The following ZSCAN25 variants were observed in gnomAD, a reference collection of about 807,000 sequenced individuals.
ZSCAN25 encodes the protein zinc finger and SCAN domain containing 25, also known as zinc finger and SCAN domain-containing protein 25.
In ZSCAN25, 27 loss-of-function variants were observed where a neutral mutation model predicts 38.7. The observed-to-expected ratio is 0.70, with a 90% CI of 0.51 to 0.96. The LOEUF is 0.96. Ranked by LOEUF, ZSCAN25 falls within the 40% of genes least tolerant of loss-of-function variation. The probability of loss-of-function intolerance (pLI) is 0.00; values close to 1 mark genes in which losing one functional copy is unlikely to be tolerated. For synonymous variants in ZSCAN25, 273 were observed against 277.7 expected, an observed-to-expected ratio of 0.98 and a Z score of 0.17; for missense variants, 637 against 705.9, an observed-to-expected ratio of 0.90 and a Z score of 1.11.
chr7:99,630,344 C>T lies in ZSCAN25; in HGVS notation c.*324C>T, dbSNP rs1416512610. The T allele has an allele frequency of 9.0e-7, 1 of 1,116,874 alleles. No homozygotes were observed. The highest frequency in any genetic ancestry group is 1.1e-6 in the Non-Finnish European group (1 of 912,760). The allele number at this position is 1,116,874 out of a possible 1,614,324, so 69.2% of individuals were successfully genotyped here. A position where few individuals can be genotyped will look rare whatever the true frequency, so the allele number is the denominator to read the frequency against. On this transcript the variant is annotated 3_prime_UTR_variant, in exon 8 of 8. Coordinates refer to ENST00000394152, the MANE Select transcript of ZSCAN25 (RefSeq NM_145115.3). ...GCTGGGAGTAAAGGCAAAACCTTGACACGTGTTGGTAGCTGGGACCTCATC... is the reference window on the plus strand; with the variant it reads ...GCTGGGAGTAAAGGCAAAACCTTGATACGTGTTGGTAGCTGGGACCTCATC...
chr7:99,652,301 A>T, the ZSCAN25 span: 1 of 270,962 alleles, frequency 3.7e-6, no homozygotes, highest in South Asian at 1.2e-4. Context: ...TTAAAAATCT[A>T]TATAGGCGTA....
chr7:99,630,189 C>T lies in ZSCAN25; in HGVS notation c.*169C>T. The T allele has an allele frequency of 7.2e-7, 1 of 1,392,682 alleles. No homozygotes were observed. Among genetic ancestry groups the T allele is most frequent in the East Asian group, 2.6e-5 (1 of 37,968 alleles). The allele number at this position is 1,392,682 out of a possible 1,614,324, so 86.3% of individuals were successfully genotyped here. A position where few individuals can be genotyped will look rare whatever the true frequency, so the allele number is the denominator to read the frequency against. On this transcript the variant is annotated 3_prime_UTR_variant, in exon 8 of 8. Coordinates refer to ENST00000394152, the MANE Select transcript of ZSCAN25 (RefSeq NM_145115.3). ...TTAGAGCTTCCAGAGAGCATAGCTGCTTCCATCTCTTACCCAAGTGGTGCT... is the reference window on the plus strand; with the variant it reads ...TTAGAGCTTCCAGAGAGCATAGCTGTTTCCATCTCTTACCCAAGTGGTGCT...
the ZSCAN25 span, chr7:99,717,580 C>G: frequency 4.3e-5 from 70 of 1,613,620 alleles, no homozygotes; most frequent in Non-Finnish European, 5.7e-5. Flanking sequence ...GTATTCTCTT[C>G]CATTCTTCAT....
intron 1 of ZSCAN25, among the ~76,000 whole-genome samples, chr7:99,617,753 A>G (rs1806594716): frequency 6.6e-6 from 1 of 152,068 alleles, no homozygotes; most frequent in South Asian, 2.1e-4. Flanking sequence ...AAACAAAACA[A>G]AAGAGTCACA....
the ZSCAN25 span, chr7:99,717,549 A>T: frequency 6.2e-7 from 1 of 1,613,724 alleles, no homozygotes; most frequent in Non-Finnish European, 8.5e-7. Context: ...CCGCTGGTGA[A>T]TGTTGGAGAC....
At chr7:99,652,908 G>C in the ZSCAN25 span, 1 of 704,106 alleles carries the variant, frequency 1.4e-6, no homozygotes, top group Non-Finnish European at 2.4e-6. Flanking sequence ...CATAGTATTC[G>C]TGAAGTATTT....
the ZSCAN25 span, among the ~76,000 whole-genome samples, chr7:99,642,974 A>G: frequency 1.3e-4 from 20 of 152,330 alleles, no homozygotes; most frequent in East Asian, 1.5e-3. Context: ...AAAGGACCAC[A>G]TAGGAGATAT....
the ZSCAN25 span, among the ~76,000 whole-genome samples, chr7:99,724,232 G>A: frequency 3.9e-5 from 6 of 152,132 alleles, no homozygotes; most frequent in Admixed American, 1.3e-4. Flanking sequence ...ACTAACACCT[G>A]ACCTAAAACC....
chr7:99,635,823 G>A (rs1350909304), downstream of ZSCAN25, among the ~76,000 whole-genome samples: 4 of 152,032 alleles, frequency 2.6e-5, no homozygotes, highest in East Asian at 1.9e-4. Flanking sequence ...TGAGGCGGGC[G>A]GATCACGAGG....
chr7:99,699,077 AG>A, the ZSCAN25 span, among the ~76,000 whole-genome samples: 4 of 152,174 alleles, frequency 2.6e-5, no homozygotes, highest in African/African-American at 9.7e-5. Flanking sequence ...CACCAGTGAG[AG>A]GGTTCATCCT....
chr7:99,682,236 C>T, the ZSCAN25 span, among the ~76,000 whole-genome samples: 1 of 152,200 alleles, frequency 6.6e-6, no homozygotes, highest in Admixed American at 6.5e-5. Flanking sequence ...TCTCAAAATG[C>T]TGGGATTACA....
chr7:99,701,943 C>G, the ZSCAN25 span, among the ~76,000 whole-genome samples: 3 of 150,402 alleles, frequency 2.0e-5, no homozygotes, highest in African/African-American at 7.3e-5. Context: ...AACTTTTTAA[C>G]TTGATGTGAT....
At chr7:99,717,307 A>G in the ZSCAN25 span, 1 of 1,613,788 alleles carries the variant, frequency 6.2e-7, no homozygotes. Context: ...AAATGTGCAG[A>G]CATAAGTCCC....
chr7:99,622,643 G>A lies in ZSCAN25; in HGVS notation c.681+3G>A. The A allele has an allele frequency of 6.2e-7, 1 of 1,613,744 alleles. No individual in the cohort carries two copies. ...GGTTCTTTACTGCTGGATCGCAGGT[G>A]AGCTCTGACTCCCTTTGCAGAAATC... On this transcript the variant is annotated splice_donor_region_variant and intron_variant, in intron 6 of 7. Coordinates refer to ENST00000394152, the MANE Select transcript of ZSCAN25 (RefSeq NM_145115.3).
the ZSCAN25 span, chr7:99,715,941 C>T: frequency 6.2e-7 from 1 of 1,612,866 alleles, no homozygotes. Context: ...TTAAAATCAG[C>T]ACCTCTTTAC....
chr7:99,715,726 AG>A, the ZSCAN25 span: 1 of 1,613,444 alleles, frequency 6.2e-7, no homozygotes, highest in Non-Finnish European at 8.5e-7. Context: ...TTTAAGAGAG[AG>A]GGAGAGAAAA....
the ZSCAN25 span, chr7:99,707,759 T>C: frequency 6.2e-7 from 1 of 1,608,160 alleles, no homozygotes; most frequent in East Asian, 2.2e-5. Context: ...ATATAGACCA[T>C]TCAGTTAAAA....
At chr7:99,697,933 C>G in the ZSCAN25 span, among the ~76,000 whole-genome samples, 1 of 152,194 alleles carries the variant, frequency 6.6e-6, no homozygotes, top group East Asian at 1.9e-4. Flanking sequence ...GTTACGTGAT[C>G]TCTCAGGTCA....
At chr7:99,652,907 C>T in the ZSCAN25 span, 13 of 703,990 alleles carry the variant, frequency 1.8e-5, no homozygotes, top group African/African-American at 9.0e-5. Context: ...TCATAGTATT[C>T]GTGAAGTATT....
Sources: gnomAD v4.1 joint callset for allele counts (sites outside exome capture counted in the v4.1 genomes callset) on GRCh38, gnomAD v4.1.1 for gene constraint, MANE v1.5 for transcripts, NCBI Gene and HGNC (gene_info 2026-07-23, HGNC 2026-07-21) for gene names.